Variants in ERBIN observed in about 807,000 individuals in gnomAD.
ERBIN encodes the protein densin-180-like protein.
Under a neutral mutation model 158.4 loss-of-function variants are expected in ERBIN, and 60 were observed. The ratio of observed to expected loss-of-function variants is 0.38; its 90% CI spans 0.31 to 0.47. ERBIN has a LOEUF of 0.47. ERBIN is among the 20% of genes least tolerant of loss of function. The pLI is 0.99. For missense variants in ERBIN, 1,610 were observed against 1,648.0 expected (o/e 0.98, Z 0.40); for synonymous variants, 594 against 557.2 (o/e 1.07, Z -0.93).
Position 66,079,443 on chromosome 5 carries a change from T to A in ERBIN, c.*913T>A, listed in dbSNP as rs552579307. 2 of 152,590 alleles carry A rather than the reference T, an allele frequency of 1.3e-5. No homozygotes were observed. The highest frequency in any genetic ancestry group is 2.9e-5 in the Non-Finnish European group (2 of 68,016). The allele number at this position is 152,590 out of a possible 1,614,324, so 9.5% of individuals were successfully genotyped here. ...ATTAGTGCTCCATTTAAATCTAATT[T>A]ATAATTTTTATTTTAAGCAGCAAAT... On this transcript the variant is annotated 3_prime_UTR_variant, in exon 26 of 26. Coordinates refer to ENST00000284037, the MANE Select transcript of ERBIN (RefSeq NM_001253697.2).
At chr5:65,934,400 C>T (rs2150848643) in intron 1 of ERBIN, among the ~76,000 whole-genome samples, 1 of 152,166 alleles carries the variant, frequency 6.6e-6, no homozygotes, top group South Asian at 2.1e-4. Flanking sequence ...CTTTATTCTC[C>T]TTCAATCTGG....
chr5:66,056,465 G>C (rs1049537052), intron 21 of ERBIN, among the ~76,000 whole-genome samples: 7 of 151,462 alleles, frequency 4.6e-5, no homozygotes, highest in African/African-American at 1.7e-4. Flanking sequence ...TCCTACTCCT[G>C]TCTGACAGAT....
chr5:66,007,891 A>G (rs1047899889), intron 4 of ERBIN, among the ~76,000 whole-genome samples: 9 of 152,216 alleles, frequency 5.9e-5, no homozygotes, highest in South Asian at 2.1e-4. Context: ...AACTGGAGAT[A>G]CAGATTTAGA....
In ERBIN at chr5:65,937,446, T is replaced by C. The variant is rs1744219355; in HGVS notation, c.-58+10640T>C. 3.3e-5 allele frequency among the ~76,000 whole-genome samples: 5 copies of C among 152,342 alleles called. No homozygotes were observed. In the South Asian group the frequency reaches 8.3e-4, roughly 25 times the overall value. On this transcript the variant is annotated intron_variant, in intron 1 of 25. Coordinates refer to ENST00000284037, the MANE Select transcript of ERBIN (RefSeq NM_001253697.2). ...TCAATAGTAAATCCCCAAATATGTTTATACTATGTCAGGATTTTCTTTTTT... is the reference window on the plus strand; with the variant it reads ...TCAATAGTAAATCCCCAAATATGTTCATACTATGTCAGGATTTTCTTTTTT...
intron 1 of ERBIN, among the ~76,000 whole-genome samples, chr5:65,955,168 T>C (rs1330520752): frequency 6.6e-6 from 1 of 152,166 alleles, no homozygotes; most frequent in Admixed American, 6.5e-5. Flanking sequence ...TTTTAAAAAA[T>C]GCCAACCATT....
intron 2 of ERBIN, among the ~76,000 whole-genome samples, chr5:65,991,104 T>C (rs1751828430): frequency 6.6e-6 from 1 of 152,212 alleles, no homozygotes; most frequent in Admixed American, 6.5e-5. Context: ...ACATATCTTA[T>C]TCTTTGTCAC....
intron 1 of ERBIN, among the ~76,000 whole-genome samples, chr5:65,973,938 A>G (rs1275938329): frequency 2.6e-5 from 4 of 151,426 alleles, no homozygotes; most frequent in African/African-American, 9.8e-5. Context: ...GTGCTAATAC[A>G]TAAAAGTGGG....
At chr5:66,068,709 T>A (rs560451299) in intron 21 of ERBIN, among the ~76,000 whole-genome samples, 9 of 152,230 alleles carry the variant, frequency 5.9e-5, no homozygotes, top group Non-Finnish European at 1.3e-4. Flanking sequence ...TATGTTGTCA[T>A]ATAAATACAT....
chr5:66,062,786 GGA>G (rs1298407816), intron 21 of ERBIN, among the ~76,000 whole-genome samples: 6 of 152,188 alleles, frequency 3.9e-5, no homozygotes, highest in Non-Finnish European at 5.9e-5. Context: ...CAGGTCTGTT[GGA>G]GTTGACTGGA....
intron 21 of ERBIN, among the ~76,000 whole-genome samples, chr5:66,069,716 C>T (rs1291360243): frequency 1.3e-5 from 2 of 152,156 alleles, no homozygotes; most frequent in Non-Finnish European, 2.9e-5. Flanking sequence ...AGAATATTTC[C>T]TTCCGCCCCT....
intron 1 of ERBIN, among the ~76,000 whole-genome samples, chr5:65,952,367 G>A (rs991692991): frequency 7.9e-5 from 12 of 151,986 alleles, no homozygotes; most frequent in Non-Finnish European, 1.5e-4. Flanking sequence ...ATTTTTTAAA[G>A]AGATGGGCTC....
At chr5:66,034,308 A>T (rs1477770575) in intron 14 of ERBIN, among the ~76,000 whole-genome samples, 2 of 150,096 alleles carry the variant, frequency 1.3e-5, no homozygotes, top group African/African-American at 4.9e-5. Flanking sequence ...TTTTTTTTTT[A>T]AGACAGAGTC....
chr5:65,968,716 A>C (rs1380978968), intron 1 of ERBIN, among the ~76,000 whole-genome samples: 2 of 152,076 alleles, frequency 1.3e-5, no homozygotes, highest in African/African-American at 4.8e-5. Flanking sequence ...GCCTGCCACT[A>C]TGCCCTGCTA....
chr5:66,061,473 C>T (rs1313734025), intron 21 of ERBIN, among the ~76,000 whole-genome samples: 1 of 152,192 alleles, frequency 6.6e-6, no homozygotes, highest in Non-Finnish European at 1.5e-5. Flanking sequence ...ATACAGCACA[C>T]TGATGGGTCT....
chr5:66,058,671 CTAACGTT>C, intron 21 of ERBIN, among the ~76,000 whole-genome samples: 1 of 149,404 alleles, frequency 6.7e-6, no homozygotes, highest in African/African-American at 2.6e-5. Flanking sequence ...GGTTTTAGGT[CTAACGTT>C]TAAGTCTTTA....
chr5:66,008,562 G>A lies in ERBIN; in HGVS notation c.308-3487G>A, dbSNP rs114963891. ...TTTGTAATTTAAAGCTCTTGAAATT[G>A]TTCTCCATATGGTATTTTAGATCAG... On this transcript the variant is annotated intron_variant, in intron 4 of 25. Transcript: ENST00000284037. 1.0e-2 allele frequency among the ~76,000 whole-genome samples: 1,520 copies of A among 152,192 alleles called. 22 individuals carry two copies. The highest frequency in any genetic ancestry group is 0.034 in the African/African-American group (1,401 of 41,508).
chr5:65,981,676 A>G (rs759809983), intron 1 of ERBIN, among the ~76,000 whole-genome samples: 111 of 152,220 alleles, frequency 7.3e-4, no homozygotes, highest in Non-Finnish European at 1.4e-3. Flanking sequence ...TGTTTTAGGT[A>G]TCTGTTTCTG....
At chr5:66,049,175 T>C (rs1167639710) in intron 19 of ERBIN, among the ~76,000 whole-genome samples, 1 of 152,086 alleles carries the variant, frequency 6.6e-6, no homozygotes, top group Non-Finnish European at 1.5e-5. Context: ...GTACCTTATG[T>C]ATAGTAGGTG....
intron 7 of ERBIN, among the ~76,000 whole-genome samples, chr5:66,015,140 T>G (rs748661186): frequency 1.8e-4 from 27 of 152,158 alleles, no homozygotes; most frequent in Admixed American, 1.4e-3. Flanking sequence ...TGTAGTGTAT[T>G]GTAAATTAGA....
Sources: allele counts gnomAD v4.1 joint callset (sites outside exome capture counted in the v4.1 genomes callset), GRCh38; gene constraint gnomAD v4.1.1; transcripts MANE v1.5; gene names NCBI Gene and HGNC (gene_info 2026-07-23, HGNC 2026-07-21).